The following FBXO7 variants were observed in gnomAD, a reference collection of about 807,000 sequenced individuals.
The protein encoded by FBXO7 is F-box protein 7.
A neutral mutation model predicts 50.2 loss-of-function variants in FBXO7; 31 were observed. That is an observed-to-expected ratio of 0.62 (90% CI 0.46 to 0.83). The LOEUF is 0.83. Among genes scored for constraint, FBXO7 ranks in the 40% least tolerant of loss-of-function variants. The pLI, the probability that FBXO7 is intolerant of heterozygous loss-of-function variation, is 0.00. For synonymous variants in FBXO7, 256 were observed against 253.1 expected, an observed-to-expected ratio of 1.01 and a Z score of -0.11; for missense variants, 667 against 646.6, an observed-to-expected ratio of 1.03 and a Z score of -0.34.
intron 1 of FBXO7, among the ~76,000 whole-genome samples, chr22:32,477,715 CATT>C (rs1232607085): frequency 2.0e-5 from 3 of 152,142 alleles, no homozygotes; most frequent in Non-Finnish European, 4.4e-5. Context: ...TTTTCGGAAC[CATT>C]ATAAGTAAAC....
chr22:32,491,072 A>G lies in FBXO7; in HGVS notation c.872-14A>G. On this transcript the variant is annotated splice_polypyrimidine_tract_variant and intron_variant, in intron 5 of 8. Coordinates refer to ENST00000266087, the MANE Select transcript of FBXO7 (RefSeq NM_012179.4). ...TGATTTTGGGTTTTGATTTTACTTT[A>G]AAAAATATTCTAGGGGAAAATGTAG... The G allele has an allele frequency of 6.3e-7, 1 of 1,597,828 alleles. No homozygotes were observed. The highest frequency in any genetic ancestry group is 8.6e-7 in the Non-Finnish European group (1 of 1,165,752).
At chr22:32,484,549 T>C (rs2057486299) in intron 3 of FBXO7, among the ~76,000 whole-genome samples, 1 of 152,110 alleles carries the variant, frequency 6.6e-6, no homozygotes, top group Non-Finnish European at 1.5e-5. Context: ...GATATAAAAA[T>C]ATTGGGATAT....
Position 32,479,002 on chromosome 22 carries a change from T to A in FBXO7, c.144T>A (p.Ile48=). 2 of 1,614,226 alleles carry A rather than the reference T, an allele frequency of 1.2e-6. No homozygotes were observed. Among genetic ancestry groups the A allele is most frequent in the Non-Finnish European group, 1.7e-6 (2 of 1,180,024 alleles). Residue 48 remains isoleucine, a synonymous_variant, in exon 2 of 9, where the codon ATT becomes ATA. Transcript: ENST00000266087. ...GCAGTTCTAATACCCGATTTACAAT[T>A]ACATTGAACTACAAGGATCCCCTCA... The part of the protein sequence containing the change: ...WGYSSNTRFT[I]TLNYKDPLTG...
chr22:32,498,219 C>G lies in FBXO7; in HGVS notation c.1258C>G (p.His420Asp), dbSNP rs1338330190. Residue 420 changes from histidine to aspartate, a missense_variant, in exon 9 of 9, where the codon CAC becomes GAC. Physicochemically the swap from His to Asp is moderately conservative, Grantham distance 81. Coordinates refer to ENST00000266087, the MANE Select transcript of FBXO7 (RefSeq NM_012179.4). The stretch of plus-strand genomic sequence containing the variant: ...TGTGATGCTCCTGCCATCGTCAACT[C>G]ACACCATTCCATTCTATCCCAACCC... ...RFVMLLPSST[H>D]TIPFYPNPLH... 2 of 1,614,218 alleles carry G rather than the reference C, an allele frequency of 1.2e-6. No homozygotes were observed. Among genetic ancestry groups the G allele is most frequent in the Non-Finnish European group, 1.7e-6 (2 of 1,180,028 alleles).
At position 32,493,039 on chromosome 22, in the gene FBXO7, CTA is replaced by C. The variant is rs550354051; in HGVS notation, c.968-64_968-63del. Reference sequence around the variant, plus strand: ...AAGGAACAAGTGGCAACTTTGTTGACTATGTGGAGAAAGCCAGATGTTCTTTA... The same window carrying C: ...AAGGAACAAGTGGCAACTTTGTTGACTGTGGAGAAAGCCAGATGTTCTTTA... On this transcript the variant is annotated intron_variant, in intron 6 of 8. Coordinates refer to ENST00000266087, the MANE Select transcript of FBXO7 (RefSeq NM_012179.4). 7.4e-5 allele frequency: 110 copies of C among 1,490,492 alleles called. No homozygotes were observed. In the African/African-American group the frequency reaches 1.3e-3, roughly 17 times the overall value. The allele number at this position is 1,490,492 out of a possible 1,614,324, so 92.3% of individuals were successfully genotyped here. A position where few individuals can be genotyped will look rare whatever the true frequency, so the allele number is the denominator to read the frequency against.
chr22:32,486,384 A>C (rs574230215), intron 4 of FBXO7, among the ~76,000 whole-genome samples: 1 of 151,970 alleles, frequency 6.6e-6, no homozygotes, highest in South Asian at 2.1e-4. Flanking sequence ...CCCAGGCTGG[A>C]GTGCAGTAGG....
chr22:32,493,500 ATTAT>A (rs909165486), intron 7 of FBXO7, among the ~76,000 whole-genome samples: 3 of 152,208 alleles, frequency 2.0e-5, no homozygotes, highest in Non-Finnish European at 4.4e-5. Context: ...GACTAAGAAG[ATTAT>A]TTCAGGATAG....
In FBXO7 at chr22:32,479,251, T is replaced by C. The variant is rs1248147111; in HGVS notation, c.393T>C (p.Ser131=). 1 of 1,614,174 alleles carries C rather than the reference T, an allele frequency of 6.2e-7. No homozygotes were observed. Among genetic ancestry groups the C allele is most frequent in the Non-Finnish European group, 8.5e-7 (1 of 1,180,032 alleles). ...CATTCCAAGGACAGGCAGCCCAGTCTGGTGTTTGGAATGACGACAGTATGG... is the reference window on the plus strand; with the variant it reads ...CATTCCAAGGACAGGCAGCCCAGTCCGGTGTTTGGAATGACGACAGTATGG... ...SDSFQGQAAQ[S]GVWNDDSMLG... Residue 131 remains serine, a synonymous_variant, in exon 2 of 9, where the codon TCT becomes TCC. Coordinates refer to ENST00000266087, the MANE Select transcript of FBXO7 (RefSeq NM_012179.4).
chr22:32,478,913 T>C, intron 1 of FBXO7, 68 bp from the exon 2 acceptor site: 1 of 1,387,462 alleles, frequency 7.2e-7, no homozygotes, highest in Non-Finnish European at 1.0e-6. Context: ...TTATGTATGC[T>C]TCAGATGTGC....
intron 8 of FBXO7, among the ~76,000 whole-genome samples, chr22:32,497,699 T>G (rs2057584049): frequency 6.6e-6 from 1 of 152,152 alleles, no homozygotes; most frequent in African/African-American, 2.4e-5. Context: ...AAATCTTTCA[T>G]GAAAGGAAGA....
At position 32,484,221 on chromosome 22, in the gene FBXO7, G is replaced by A. The variant is rs894986377; in HGVS notation, c.645+97G>A. 5 of 1,024,816 alleles carry A rather than the reference G, an allele frequency of 4.9e-6. No individual in the cohort carries two copies. The South Asian group carries it at 5.1e-5, about 10-fold the overall frequency. 63.5% of individuals were successfully genotyped at this position (1,024,816 alleles called of 1,614,324 possible). ...GCCCGTAGTCTGAGAGTGGCAGAGA[G>A]AGACAAAAATATAAAGCACTGTGCT... is the stretch of plus-strand genomic sequence containing the variant. On this transcript the variant is annotated intron_variant, in intron 3 of 8. Coordinates refer to ENST00000266087, the MANE Select transcript of FBXO7 (RefSeq NM_012179.4).
intron 4 of FBXO7, among the ~76,000 whole-genome samples, chr22:32,485,821 T>C (rs1940484923): frequency 7.3e-6 from 1 of 136,226 alleles, no homozygotes; most frequent in Non-Finnish European, 1.6e-5. Context: ...ATGCATTCCA[T>C]CTCTGTGTTT....
intron 2 of FBXO7, among the ~76,000 whole-genome samples, chr22:32,480,772 C>T (rs568606154): frequency 3.3e-5 from 5 of 151,916 alleles, no homozygotes; most frequent in South Asian, 2.1e-4. Context: ...CGGGGTCAAG[C>T]GATTCTCCCA....
intron 2 of FBXO7, among the ~76,000 whole-genome samples, chr22:32,483,334 C>T (rs914867555): frequency 6.6e-6 from 1 of 152,152 alleles, no homozygotes; most frequent in Non-Finnish European, 1.5e-5. Flanking sequence ...ACCTTTTTTC[C>T]TAAGAACATC....
Position 32,475,386 on chromosome 22 carries a change from G to A in FBXO7, c.122+262G>A, listed in dbSNP as rs899235459. On this transcript the variant is annotated intron_variant, in intron 1 of 8. Transcript: ENST00000266087. The stretch of plus-strand genomic sequence containing the variant: ...CATGGCCCGGCCTCCCGGGGGCTCT[G>A]GTCCCCTCCTCGGTGAGTCATGGCT... 9 of 1,611,530 alleles carry A rather than the reference G, an allele frequency of 5.6e-6. No homozygotes were observed. The African/African-American group carries it at 1.2e-4, about 22-fold the overall frequency.
Position 32,474,835 on chromosome 22 carries a change from AGGGCGGCCACTGTGGCG to A in FBXO7, c.-163_-147del. On this transcript the variant is annotated 5_prime_UTR_variant, in exon 1 of 9. Transcript: ENST00000266087. ...CGCTCTATTCCAGAGACCGAGTGGC[AGGGCGGCCACTGTGGCG>A]GGGCTCTTTCCCCGTTTCGCCTCAG... The A allele has an allele frequency of 1.5e-6, 1 of 649,038 alleles. No individual in the cohort carries two copies. The allele number at this position is 649,038 out of a possible 1,614,324, so 40.2% of individuals were successfully genotyped here.
At chr22:32,483,789 C>T in intron 2 of FBXO7, 108 bp from the exon 3 acceptor site, 1 of 949,210 alleles carries the variant, frequency 1.1e-6, no homozygotes, top group Non-Finnish European at 1.7e-6. Context: ...CATTTCTGAA[C>T]CCAATGATGT....
chr22:32,483,773 G>A, intron 2 of FBXO7, 124 bp from the exon 3 acceptor site: 1 of 812,360 alleles, frequency 1.2e-6, no homozygotes, highest in Non-Finnish European at 2.1e-6. Context: ...CACTTAAAAT[G>A]TCTCCCATTT....
At chr22:32,496,415 G>T (rs1009058540) in intron 8 of FBXO7, among the ~76,000 whole-genome samples, 5 of 152,150 alleles carry the variant, frequency 3.3e-5, no homozygotes, top group African/African-American at 1.2e-4. Flanking sequence ...CCAGGAGGTG[G>T]AGGTTGCAGT....
Sources: gnomAD v4.1 joint callset for allele counts (sites outside exome capture counted in the v4.1 genomes callset) on GRCh38, gnomAD v4.1.1 for gene constraint, MANE v1.5 for transcripts, NCBI Gene and HGNC (gene_info 2026-07-23, HGNC 2026-07-21) for gene names.